The following BOD1L1 variants were observed in gnomAD, a reference collection of about 807,000 sequenced individuals.
The protein encoded by BOD1L1 is biorientation of chromosomes in cell division protein 1-like 1.
Under a neutral mutation model 240.7 loss-of-function variants are expected in BOD1L1, and 86 were observed. The ratio of observed to expected loss-of-function variants is 0.36; its 90% CI spans 0.30 to 0.43. The LOEUF (loss-of-function observed/expected upper bound fraction) is 0.43, where lower values mean the gene tolerates loss of function less well. BOD1L1 is among the 20% of genes least tolerant of loss of function. The pLI, the probability that BOD1L1 is intolerant of heterozygous loss-of-function variation, is 1.00. For synonymous variants in BOD1L1, 1,268 were observed against 1,272.3 expected (o/e 1.00, Z 0.07); for missense variants, 3,554 against 3,643.5 (o/e 0.98, Z 0.63).
chr4:13,572,893 T>C lies in BOD1L1; in HGVS notation c.9039-2765A>G, dbSNP rs1189569585. ...GCAATGGTAGCACTGAATACTCCAGTCCCTGGAACTCTGTAGGAAGTATGA... is the reference window on the plus strand; with the variant it reads ...GCAATGGTAGCACTGAATACTCCAGCCCCTGGAACTCTGTAGGAAGTATGA... On this transcript the variant is annotated intron_variant, in intron 25 of 25. Coordinates refer to ENST00000040738, the MANE Select transcript of BOD1L1 (RefSeq NM_148894.3). 6 of 1,266,016 alleles carry C rather than the reference T, an allele frequency of 4.7e-6. No homozygotes were observed. In the African/African-American group the frequency reaches 9.3e-5, roughly 20 times the overall value. 78.4% of individuals were successfully genotyped at this position (1,266,016 alleles called of 1,614,324 possible).
Position 13,601,173 on chromosome 4 carries a change from A to G in BOD1L1, c.5727T>C (p.Gly1909=). ...CAGCTTCCACATGCTCTACCACAGTACCAATCTGACTGTCCCCTTCTGCAC... is the reference window on the plus strand; with the variant it reads ...CAGCTTCCACATGCTCTACCACAGTGCCAATCTGACTGTCCCCTTCTGCAC... ...CESAEGDSQI[G]TVVEHVEAEA... is the part of the protein sequence containing the mutation. Residue 1909 remains glycine (G), a synonymous_variant, in exon 10 of 26, where the codon GGT becomes GGC. Transcript: ENST00000040738. 1 of 1,614,034 alleles carries G rather than the reference A, an allele frequency of 6.2e-7. No homozygotes were observed. Among genetic ancestry groups the G allele is most frequent in the Non-Finnish European group, 8.5e-7 (1 of 1,179,902 alleles).
rs1177241820 is a variant in BOD1L1 at position 13,613,270 on chromosome 4, T to C, written c.1324+242A>G. 6.6e-6 allele frequency among the ~76,000 whole-genome samples: 1 copy of C among 152,130 alleles called. No homozygotes were observed. The highest frequency in any genetic ancestry group is 1.5e-5 in the Non-Finnish European group (1 of 68,040). ...ATATTTATCTCCTCTAAATTTTAAATTAATAATAATACTAGGGGATAGAGT... is the reference window on the plus strand; with the variant it reads ...ATATTTATCTCCTCTAAATTTTAAACTAATAATAATACTAGGGGATAGAGT... On this transcript the variant is annotated intron_variant, in intron 5 of 25. Transcript: ENST00000040738. The surrounding 1 kb of genome is among the most constrained non-coding windows in gnomAD (Gnocchi z 4.0).
At chr4:13,612,842 C>G (rs930414502) in intron 5 of BOD1L1, among the ~76,000 whole-genome samples, 1 of 152,140 alleles carries the variant, frequency 6.6e-6, no homozygotes, top group Non-Finnish European at 1.5e-5. Flanking sequence ...GCCATATGGG[C>G]AGCCAACTCT....
chr4:13,599,384 T>C lies in BOD1L1; in HGVS notation c.7516A>G (p.Arg2506Gly). ...TGCCCAGACGTCTGTTCTGGTCCTC[T>C]CAGGTGGGCAGGTGAGTTAGCATTC... The part of the protein sequence containing the change: ...EGNANSPAHL[R>G]GPEQTSGQTA... Residue 2506 changes from arginine to glycine, a missense_variant, in exon 10 of 26, where the codon AGA (arginine) becomes GGA (glycine). By Grantham distance (125) the Arg-to-Gly change is moderately radical. Around this residue, in one of 2 missense-constraint regions of BOD1L1, gnomAD observed 3,393 missense variants for 3,427.1 expected, o/e 0.99. Coordinates refer to ENST00000040738, the MANE Select transcript of BOD1L1 (RefSeq NM_148894.3). 2 of 1,613,998 alleles carry C rather than the reference T, an allele frequency of 1.2e-6. No homozygotes were observed. The highest frequency in any genetic ancestry group is 1.7e-6 in the Non-Finnish European group (2 of 1,179,888).
intron 12 of BOD1L1, among the ~76,000 whole-genome samples, chr4:13,594,943 G>A (rs962542459): frequency 3.3e-5 from 5 of 152,016 alleles, no homozygotes; most frequent in Admixed American, 6.6e-5. Context: ...AAACCCAACC[G>A]TCTATCTGTA....
intron 5 of BOD1L1, among the ~76,000 whole-genome samples, chr4:13,611,912 G>A (rs1047013899): frequency 1.1e-4 from 16 of 152,074 alleles, no homozygotes; most frequent in Middle Eastern, 3.2e-3. Flanking sequence ...AAGTAAACAA[G>A]GTTTTCACTT....
At chr4:13,621,257 A>C (rs1020708017) in intron 1 of BOD1L1, among the ~76,000 whole-genome samples, 3 of 152,214 alleles carry the variant, frequency 2.0e-5, no homozygotes, top group Non-Finnish European at 4.4e-5. Context: ...CCTTTCTTCT[A>C]TACAGCTTTT....
In BOD1L1 at chr4:13,603,035, C is replaced by A. The variant is rs755304438; in HGVS notation, c.3865G>T (p.Val1289Phe). 5 of 1,613,876 alleles carry A rather than the reference C, an allele frequency of 3.1e-6. No individual in the cohort carries two copies. Among genetic ancestry groups the A allele is most frequent in the Non-Finnish European group, 4.2e-6 (5 of 1,179,870 alleles). ...DSSPSLSSVTVVPLRESYDPD... is the reference protein window; with the variant it reads ...DSSPSLSSVTFVPLRESYDPD... ...TCATACGATTCCCTCAGAGGCACAACAGTCACTGAACTTAAGGATGGTGAG... is the reference window on the plus strand; with the variant it reads ...TCATACGATTCCCTCAGAGGCACAAAAGTCACTGAACTTAAGGATGGTGAG... The change falls in exon 10 of 26, where the codon GTT becomes TTT. Residue 1289 changes from valine (V) to phenylalanine (F), a missense_variant. Transcript: ENST00000040738.
At chr4:13,578,593 G>C (rs1712971160) in intron 22 of BOD1L1, among the ~76,000 whole-genome samples, 1 of 152,142 alleles carries the variant, frequency 6.6e-6, no homozygotes, top group Admixed American at 6.5e-5. Flanking sequence ...TGTTGGCCAG[G>C]CTAGAGTGCA....
At chr4:13,598,825 A>T in intron 10 of BOD1L1, 121 bp downstream of exon 10, 2 of 1,076,836 alleles carry the variant, frequency 1.9e-6, no homozygotes, top group South Asian at 3.9e-5. Context: ...TGAGAAAAAA[A>T]TTTATAGATA....
intron 14 of BOD1L1, 60 bp downstream of exon 14, chr4:13,590,326 C>G: frequency 1.1e-6 from 1 of 903,906 alleles, no homozygotes; most frequent in South Asian, 1.7e-5. Flanking sequence ...GTATACAGAC[C>G]ACACTCAATA....
rs778824613 is a variant in BOD1L1, at chr4:13,601,898, T to G, written c.5002A>C (p.Ser1668Arg). Reference sequence around the variant, plus strand: ...CCTTCAACTATTTCTGAGTCTCTACTTAAAGAACCATCACATTTTTCTTCA... The same window carrying G: ...CCTTCAACTATTTCTGAGTCTCTACGTAAAGAACCATCACATTTTTCTTCA... Reference protein sequence around the residue: ...GSEEKCDGSLSRDSEIVEGTI... With the variant: ...GSEEKCDGSLRRDSEIVEGTI... Residue 1668 changes from serine to arginine, a missense_variant, in exon 10 of 26, where the codon AGT (serine) becomes CGT (arginine). This residue lies in a region of BOD1L1 where 3,393 missense variants were observed against 3,427.1 expected (regional missense o/e 0.99). Coordinates refer to ENST00000040738, the MANE Select transcript of BOD1L1 (RefSeq NM_148894.3). The G allele has an allele frequency of 5.6e-6, 9 of 1,613,956 alleles. No individual in the cohort carries two copies. The highest frequency in any genetic ancestry group is 4.2e-6 in the Non-Finnish European group (5 of 1,179,874).
chr4:13,616,876 G>C (rs1396284656), intron 2 of BOD1L1, among the ~76,000 whole-genome samples: 1 of 152,142 alleles, frequency 6.6e-6, no homozygotes, highest in Non-Finnish European at 1.5e-5. Flanking sequence ...ACATCTTAGA[G>C]GTGTATTTAA....
In BOD1L1 at chr4:13,600,984, T is replaced by G. The variant is rs778206416; in HGVS notation, c.5916A>C (p.Pro1972=). ...VSGKDEVTPV[P]GGCEGPMTSA... is the part of the protein sequence containing the mutation. ...TAGTCATAGGACCCTCACAACCTCC[T>G]GGAACTGGTGTCACTTCATCCTTTC... is the stretch of plus-strand genomic sequence containing the variant. The change falls in exon 10 of 26, where the codon CCA becomes CCC. Residue 1972 remains proline (P), a synonymous_variant. Coordinates refer to ENST00000040738, the MANE Select transcript of BOD1L1 (RefSeq NM_148894.3). 4.3e-6 allele frequency: 7 copies of G among 1,613,794 alleles called. No homozygotes were observed. The African/African-American group carries it at 9.3e-5, about 22-fold the overall frequency.
chr4:13,580,532 C>A (rs948688859), intron 21 of BOD1L1, among the ~76,000 whole-genome samples: 2 of 152,082 alleles, frequency 1.3e-5, no homozygotes, highest in Non-Finnish European at 2.9e-5. Flanking sequence ...GAAATGCATG[C>A]GATGGAATCC....
At chr4:13,608,092 C>T (rs1394977328) in intron 8 of BOD1L1, among the ~76,000 whole-genome samples, 4 of 152,100 alleles carry the variant, frequency 2.6e-5, no homozygotes, top group Admixed American at 2.0e-4. Flanking sequence ...GAATCTGGCC[C>T]AGATTCTGGG....
intron 17 of BOD1L1, among the ~76,000 whole-genome samples, chr4:13,583,356 T>C (rs1040277017): frequency 2.6e-5 from 4 of 152,234 alleles, no homozygotes; most frequent in Non-Finnish European, 5.9e-5. Context: ...TAATGGCCCA[T>C]TATAAAAAAT....
At chr4:13,598,166 C>T (rs1425154329) in intron 10 of BOD1L1, among the ~76,000 whole-genome samples, 4 of 152,200 alleles carry the variant, frequency 2.6e-5, no homozygotes, top group Non-Finnish European at 2.9e-5. Context: ...TAAGGCATGA[C>T]TGAGATAATA....
chr4:13,597,462 T>C (rs571020216), intron 10 of BOD1L1, among the ~76,000 whole-genome samples: 15 of 152,334 alleles, frequency 9.8e-5, no homozygotes, highest in African/African-American at 3.1e-4. Flanking sequence ...TTTCCAAGTA[T>C]TTTTCTGCAG....
Sources: gnomAD v4.1 joint callset for allele counts (sites outside exome capture counted in the v4.1 genomes callset) on GRCh38, gnomAD v4.1.1 for gene constraint, gnomAD v4.1.1 regional missense constraint, Gnocchi (gnomAD v3.1) non-coding constraint, MANE v1.5 for transcripts, NCBI Gene and HGNC (gene_info 2026-07-23, HGNC 2026-07-21) for gene names.